ULK4: variants seen among roughly 807,000 people sequenced by gnomAD.
ULK4 encodes the protein inactive serine/threonine-protein kinase ULK4.
ULK4 carries 133 observed loss-of-function variants against 160.6 expected under a neutral mutation model. That is an observed-to-expected ratio of 0.83 (90% confidence interval 0.72 to 0.96). The LOEUF is 0.96. Ranked by LOEUF, ULK4 falls within the 40% of genes least tolerant of loss-of-function variation. ULK4 has a pLI of 0.00. For missense variants in ULK4, 1,580 were observed against 1,499.5 expected, an observed-to-expected ratio of 1.05 and a Z score of -0.89; for synonymous variants, 534 against 539.8, an observed-to-expected ratio of 0.99 and a Z score of 0.15.
intron 21 of ULK4, among the ~76,000 whole-genome samples, chr3:41,786,318 AG>A (rs2039996262): frequency 6.6e-6 from 1 of 152,168 alleles, no homozygotes; most frequent in Non-Finnish European, 1.5e-5. Context: ...GTAAACATTC[AG>A]GGCCAGGAAT....
At chr3:41,371,505 G>A (rs1025510599) in intron 35 of ULK4, among the ~76,000 whole-genome samples, 5 of 152,078 alleles carry the variant, frequency 3.3e-5, no homozygotes, top group African/African-American at 1.2e-4. Context: ...AGGCAAACAG[G>A]GTCTGAAGTG....
At chr3:41,518,768 G>A (rs2085833881) in intron 32 of ULK4, among the ~76,000 whole-genome samples, 1 of 152,192 alleles carries the variant, frequency 6.6e-6, no homozygotes, top group South Asian at 2.1e-4. Context: ...GTCTGTCTTT[G>A]TACGGGTATG....
intron 22 of ULK4, among the ~76,000 whole-genome samples, chr3:41,722,262 G>A (rs2037497873): frequency 6.6e-6 from 1 of 152,126 alleles, no homozygotes. Flanking sequence ...CCCACTCTCT[G>A]AATCATGAAT....
Position 41,647,031 on chromosome 3 carries a change from C to T in ULK4, c.3071+16576G>A, listed in dbSNP as rs2034527353. 3.3e-5 allele frequency among the ~76,000 whole-genome samples: 5 copies of T among 152,188 alleles called. No homozygotes were observed. The South Asian group carries it at 1.0e-3, about 32-fold the overall frequency. On this transcript the variant is annotated intron_variant, in intron 30 of 36. Coordinates refer to ENST00000301831, the MANE Select transcript of ULK4 (RefSeq NM_017886.4). ...TCTTCATGTAGTTCTCGAGCCTTGG[C>T]TTTCAGCTCCATCAGCTCCTTTAAG...
rs116735741 is a variant in ULK4, at chr3:41,786,320, G to A, written c.2193+3341C>T. On this transcript the variant is annotated intron_variant, in intron 21 of 36. Coordinates refer to ENST00000301831, the MANE Select transcript of ULK4 (RefSeq NM_017886.4). The stretch of plus-strand genomic sequence containing the variant: ...CATTTGGCCCAAAGTAAACATTCAG[G>A]GCCAGGAATGGTGGCTCACACCTGT... Among the ~76,000 whole-genome samples the A allele has an allele frequency of 2.4e-3, 371 of 152,212 alleles. 1 individual carries two copies. The highest frequency in any genetic ancestry group is 8.0e-3 in the African/African-American group (331 of 41,522).
intron 32 of ULK4, among the ~76,000 whole-genome samples, chr3:41,550,078 G>C (rs998061301): frequency 5.3e-5 from 8 of 152,006 alleles, no homozygotes; most frequent in Admixed American, 1.3e-4. Flanking sequence ...CTACATATGA[G>C]AGGGAAAGGA....
intron 30 of ULK4, among the ~76,000 whole-genome samples, chr3:41,661,212 T>C (rs1325325268): frequency 6.6e-6 from 1 of 152,106 alleles, no homozygotes; most frequent in African/African-American, 2.4e-5. Flanking sequence ...TAAAATGAGA[T>C]CCCATTTTCA....
intron 23 of ULK4, among the ~76,000 whole-genome samples, chr3:41,716,507 A>C (rs1229818788): frequency 6.6e-6 from 1 of 152,144 alleles, no homozygotes; most frequent in Non-Finnish European, 1.5e-5. Flanking sequence ...ATCCGAAATA[A>C]ATTTTGAGAG....
At chr3:41,673,116 A>G (rs1017260614) in intron 29 of ULK4, among the ~76,000 whole-genome samples, 13 of 152,132 alleles carry the variant, frequency 8.5e-5, no homozygotes, top group African/African-American at 2.9e-4. Context: ...CTGGGATTAC[A>G]TGTGTGAGCC....
chr3:41,316,942 T>C (rs1004454129), intron 35 of ULK4, among the ~76,000 whole-genome samples: 1 of 152,186 alleles, frequency 6.6e-6, no homozygotes, highest in African/African-American at 2.4e-5. Flanking sequence ...TTGCTCTCTA[T>C]TCACATATTT....
chr3:41,774,695 C>T (rs1334771221), intron 21 of ULK4, among the ~76,000 whole-genome samples: 12 of 148,774 alleles, frequency 8.1e-5, no homozygotes, highest in South Asian at 2.1e-4. Flanking sequence ...ACTAGAAATA[C>T]CATTTGACCC....
intron 17 of ULK4, among the ~76,000 whole-genome samples, chr3:41,873,224 CT>C (rs1173793427): frequency 0.032 from 3,409 of 106,274 alleles, 25 homozygotes; most frequent in East Asian, 0.08. Context: ...AGTTGCCTTT[CT>C]TTTTTTTTTT....
chr3:41,549,558 G>A (rs2086989888), intron 32 of ULK4, among the ~76,000 whole-genome samples: 1 of 151,960 alleles, frequency 6.6e-6, no homozygotes, highest in Non-Finnish European at 1.5e-5. Context: ...CATAAAGAGA[G>A]CAAATATTCA....
intron 33 of ULK4, among the ~76,000 whole-genome samples, chr3:41,460,688 A>G (rs1426547979): frequency 6.6e-6 from 1 of 152,138 alleles, no homozygotes; most frequent in African/African-American, 2.4e-5. Context: ...GGCCCCCTGT[A>G]AACAAAAAAG....
chr3:41,684,033 C>T (rs1190395410), intron 27 of ULK4, among the ~76,000 whole-genome samples: 1 of 152,138 alleles, frequency 6.6e-6, no homozygotes, highest in African/African-American at 2.4e-5. Context: ...ATCTGATTGC[C>T]CCATGCAGAC....
chr3:41,421,971 A>AT (rs979026242), intron 34 of ULK4, among the ~76,000 whole-genome samples: 28 of 150,542 alleles, frequency 1.9e-4, no homozygotes, highest in Non-Finnish European at 2.5e-4. Flanking sequence ...ATATTAGAAG[A>AT]TTTTTTTTTT....
chr3:41,384,887 T>C (rs2081765271), intron 35 of ULK4, among the ~76,000 whole-genome samples: 1 of 152,112 alleles, frequency 6.6e-6, no homozygotes, highest in African/African-American at 2.4e-5. Flanking sequence ...ACCCAGCTTT[T>C]ATTTTTTTAA....
chr3:41,825,517 G>A (rs961970810), intron 18 of ULK4, among the ~76,000 whole-genome samples: 9 of 152,198 alleles, frequency 5.9e-5, no homozygotes, highest in Non-Finnish European at 7.3e-5. Flanking sequence ...TGACAAAGGC[G>A]CAAGCCTCGG....
chr3:41,249,042 G>A (rs1437933198), intron 36 of ULK4, among the ~76,000 whole-genome samples: 2 of 152,194 alleles, frequency 1.3e-5, no homozygotes, highest in Admixed American at 6.5e-5. Context: ...AGGCTAAGCT[G>A]TCACATTTGC....
Sources: allele counts gnomAD v4.1 joint callset (sites outside exome capture counted in the v4.1 genomes callset), GRCh38; gene constraint gnomAD v4.1.1; transcripts MANE v1.5; gene names NCBI Gene and HGNC (gene_info 2026-07-23, HGNC 2026-07-21).